FMN2: variants seen among roughly 807,000 people sequenced by gnomAD.
FMN2 encodes the protein formin 2, also known as formin-2.
FMN2 carries 51 observed loss-of-function variants against 142.3 expected under a neutral mutation model. That is an observed-to-expected ratio of 0.36 (90% confidence interval 0.29 to 0.45). FMN2 has a LOEUF of 0.45. Ranked by LOEUF, FMN2 falls within the 20% of genes least tolerant of loss-of-function variation. The probability of loss-of-function intolerance (pLI) is 1.00; values close to 1 mark genes in which losing one functional copy is unlikely to be tolerated. For synonymous variants in FMN2, 882 were observed against 869.8 expected (o/e 1.01, Z -0.25); for missense variants, 1,936 against 2,122.8 (o/e 0.91, Z 1.73).
At chr1:240,165,631 A>G (rs1229321041) in intron 2 of FMN2, among the ~76,000 whole-genome samples, 1 of 139,830 alleles carries the variant, frequency 7.2e-6, no homozygotes, top group Non-Finnish European at 1.6e-5. Context: ...CCATTTTTCT[A>G]TTTTTTTTTT....
At chr1:240,104,660 T>TA in intron 1 of FMN2, among the ~76,000 whole-genome samples, 1 of 152,320 alleles carries the variant, frequency 6.6e-6, no homozygotes, top group East Asian at 1.9e-4. Flanking sequence ...TTCTGTTTCT[T>TA]AAAAAGAACA....
Position 240,093,021 on chromosome 1 carries a change from G to C in FMN2, c.912G>C (p.Ala304=). ...PSPGGLPVSE[A]PSLPAAQPAA... is the part of the protein sequence containing the mutation. ...CCGGCGGCCTCCCGGTCTCCGAGGC[G>C]CCCAGTCTCCCGGCAGCGCAACCCG... Residue 304 remains alanine, a synonymous_variant, in exon 1 of 18, where the codon GCG becomes GCC. Coordinates refer to ENST00000319653, the MANE Select transcript of FMN2 (RefSeq NM_020066.5). The C allele has an allele frequency of 4.3e-6, 6 of 1,395,422 alleles. No homozygotes were observed. The highest frequency in any genetic ancestry group is 4.6e-6 in the Non-Finnish European group (5 of 1,083,140). The allele number at this position is 1,395,422 out of a possible 1,614,324, so 86.4% of individuals were successfully genotyped here.
intron 2 of FMN2, among the ~76,000 whole-genome samples, chr1:240,162,568 A>C (rs1321127287): frequency 1.3e-5 from 2 of 151,168 alleles, no homozygotes; most frequent in Non-Finnish European, 2.9e-5. Flanking sequence ...GTTTTATCTA[A>C]TATTTTTAAA....
chr1:240,123,480 A>G, intron 2 of FMN2, 135 bp downstream of exon 2: 4 of 616,500 alleles, frequency 6.5e-6, no homozygotes, highest in Admixed American at 3.8e-5. Context: ...TAGCTGCTCA[A>G]CAGCTCGGTA....
In FMN2 at chr1:240,223,548, C is replaced by G. The variant is rs186329174; in HGVS notation, c.4065+12313C>G. On this transcript the variant is annotated intron_variant, in intron 6 of 17. Transcript: ENST00000319653. ...CTTTTTCTACTGTTTGGAACCGTTT[C>G]GGAAGGAATGGTACCAGCTGGTCTT... 3.9e-5 allele frequency among the ~76,000 whole-genome samples: 6 copies of G among 152,234 alleles called. 1 individual carries two copies. Among genetic ancestry groups the G allele is most frequent in the Admixed American group, 3.3e-4 (5 of 15,290 alleles).
At position 240,177,929 on chromosome 1, in the gene FMN2, A is replaced by G. The variant is rs1342057100; in HGVS notation, c.1791A>G (p.Gln597=). 2 of 1,571,196 alleles carry G rather than the reference A, an allele frequency of 1.3e-6. No homozygotes were observed. The change falls in exon 3 of 18, where the codon CAA becomes CAG. Residue 597 remains glutamine, a synonymous_variant. Transcript: ENST00000319653. ...QTNAASFDQD[Q]LYTWAAVSQP... is the part of the protein sequence containing the mutation. ...TTTATTTTTAAATATAGCAAGATCA[A>G]CTTTATACCTGGGCTGCAGTTAGTC...
rs944805349 is a variant in FMN2, at chr1:240,183,994, A to G, written c.1931-4213A>G. Among the ~76,000 whole-genome samples, 3 of 152,188 alleles carry G rather than the reference A, an allele frequency of 2.0e-5. No homozygotes were observed. The South Asian group carries it at 6.2e-4, about 32-fold the overall frequency. ...TTCATTTTTAGAAGGCATATTTTGTATGTATATTTTAAAGGGAGGTTTATT... is the reference window on the plus strand; with the variant it reads ...TTCATTTTTAGAAGGCATATTTTGTGTGTATATTTTAAAGGGAGGTTTATT... On this transcript the variant is annotated intron_variant, in intron 3 of 17. Transcript: ENST00000319653.
chr1:240,259,062 T>A (rs1243570139), intron 7 of FMN2, among the ~76,000 whole-genome samples: 2 of 152,198 alleles, frequency 1.3e-5, no homozygotes, highest in Non-Finnish European at 2.9e-5. Flanking sequence ...AATCACAATT[T>A]AAGTTTTTAT....
At chr1:240,122,415 CTG>C (rs1662319797) in intron 1 of FMN2, among the ~76,000 whole-genome samples, 1 of 152,192 alleles carries the variant, frequency 6.6e-6, no homozygotes, top group African/African-American at 2.4e-5. Flanking sequence ...TCCCAAGTAA[CTG>C]GGATTAAGGA....
At chr1:240,183,387 A>T (rs1229463287) in intron 3 of FMN2, among the ~76,000 whole-genome samples, 1 of 148,940 alleles carries the variant, frequency 6.7e-6, no homozygotes, top group Admixed American at 6.7e-5. Flanking sequence ...AAATAATTAC[A>T]TATTTTCAAC....
intron 2 of FMN2, chr1:240,171,031 G>A (rs1286969570): frequency 3.7e-5 from 35 of 953,820 alleles, no homozygotes; most frequent in Admixed American, 8.5e-5. Flanking sequence ...GGGCTGGGGC[G>A]TCAGTGTGGT....
intron 6 of FMN2, among the ~76,000 whole-genome samples, chr1:240,242,505 C>T (rs116737006): frequency 1.5e-3 from 228 of 152,182 alleles, no homozygotes; most frequent in African/African-American, 5.3e-3. Context: ...AAGCAGGAAC[C>T]AAGAAGATGG....
At chr1:240,162,468 AAAG>A (rs1208488121) in intron 2 of FMN2, among the ~76,000 whole-genome samples, 1 of 152,206 alleles carries the variant, frequency 6.6e-6, no homozygotes, top group Admixed American at 6.5e-5. Context: ...CGTCTCAAAA[AAAG>A]AAAGCAAAAG....
intron 3 of FMN2, chr1:240,180,307 T>A: frequency 2.1e-6 from 1 of 480,330 alleles, no homozygotes; most frequent in Non-Finnish European, 3.3e-6. Context: ...TGTGACTCCC[T>A]GACGTAAATT....
intron 1 of FMN2, among the ~76,000 whole-genome samples, chr1:240,115,909 T>C (rs530262140): frequency 6.6e-6 from 1 of 152,256 alleles, no homozygotes; most frequent in East Asian, 1.9e-4. Flanking sequence ...GGATTACTCG[T>C]GAGTTTTTTT....
At chr1:240,319,867 C>T (rs765014321) in intron 8 of FMN2, among the ~76,000 whole-genome samples, 42 of 152,132 alleles carry the variant, frequency 2.8e-4, no homozygotes, top group Non-Finnish European at 5.6e-4. Flanking sequence ...ATATCATAGC[C>T]GCCTGTTTCC....
At chr1:240,127,121 CTTT>C (rs769189578) in intron 2 of FMN2, among the ~76,000 whole-genome samples, 11 of 138,160 alleles carry the variant, frequency 8.0e-5, no homozygotes, top group South Asian at 7.0e-4. Flanking sequence ...AGGAATATGG[CTTT>C]TTTTTTTTTT....
chr1:240,140,527 A>G (rs1446843997), intron 2 of FMN2, among the ~76,000 whole-genome samples: 1 of 152,154 alleles, frequency 6.6e-6, no homozygotes, highest in Non-Finnish European at 1.5e-5. Context: ...CCTCCTTTGG[A>G]TATATAGTCT....
At chr1:240,210,144 A>G (rs1215286878) in intron 5 of FMN2, among the ~76,000 whole-genome samples, 1 of 152,188 alleles carries the variant, frequency 6.6e-6, no homozygotes, top group Non-Finnish European at 1.5e-5. Flanking sequence ...TCCACCAGGT[A>G]TTCTGGTGGT....
Sources: gnomAD v4.1 joint callset for allele counts (sites outside exome capture counted in the v4.1 genomes callset) on GRCh38, gnomAD v4.1.1 for gene constraint, MANE v1.5 for transcripts, NCBI Gene and HGNC (gene_info 2026-07-23, HGNC 2026-07-21) for gene names.